The following FAM184B variants were observed in gnomAD, a reference collection of about 807,000 sequenced individuals.
FAM184B encodes family with sequence similarity 184 member B.
FAM184B carries 111 observed loss-of-function variants against 135.9 expected under a neutral mutation model. That is an observed-to-expected ratio of 0.82 (90% CI 0.70 to 0.96). The LOEUF is 0.96. Ranked by LOEUF, FAM184B falls within the 40% of genes least tolerant of loss-of-function variation. The pLI, the probability that FAM184B is intolerant of heterozygous loss-of-function variation, is 0.00. For synonymous variants in FAM184B, 552 were observed against 524.8 expected, an observed-to-expected ratio of 1.05 and a Z score of -0.71; for missense variants, 1,375 against 1,323.9, an observed-to-expected ratio of 1.04 and a Z score of -0.60.
At chr4:17,683,310 G>T (rs1286436509) in intron 7 of FAM184B, among the ~76,000 whole-genome samples, 1 of 152,166 alleles carries the variant, frequency 6.6e-6, no homozygotes, top group African/African-American at 2.4e-5. Flanking sequence ...ACACACCACT[G>T]CACCCGGCAA....
At chr4:17,653,910 A>G (rs1219432411) in intron 10 of FAM184B, among the ~76,000 whole-genome samples, 7 of 31,444 alleles carry the variant, frequency 2.2e-4, no homozygotes, top group Non-Finnish European at 1.1e-4. Flanking sequence ...GTGGAAGCAG[A>G]GGTCAGAGAG....
At chr4:17,683,324 C>G (rs1716491218) in intron 7 of FAM184B, among the ~76,000 whole-genome samples, 1 of 152,156 alleles carries the variant, frequency 6.6e-6, no homozygotes, top group Non-Finnish European at 1.5e-5. Context: ...CCGGCAAATT[C>G]CACGGGAGCA....
chr4:17,748,117 A>AAG (rs1553842362), intron 1 of FAM184B, among the ~76,000 whole-genome samples: 5 of 150,376 alleles, frequency 3.3e-5, no homozygotes, highest in African/African-American at 1.2e-4. Context: ...AAAAAAAAAA[A>AAG]AAAAAAGAAA....
intron 1 of FAM184B, among the ~76,000 whole-genome samples, chr4:17,715,324 A>G (rs898483989): frequency 5.3e-5 from 8 of 152,018 alleles, no homozygotes; most frequent in African/African-American, 1.9e-4. Context: ...AAAATTAAAA[A>G]ATTAGCTGTG....
chr4:17,726,914 C>T (rs1217434009), intron 1 of FAM184B, among the ~76,000 whole-genome samples: 1 of 152,136 alleles, frequency 6.6e-6, no homozygotes, highest in Non-Finnish European at 1.5e-5. Flanking sequence ...TCACTGTGGC[C>T]AATGGGATAG....
intron 7 of FAM184B, among the ~76,000 whole-genome samples, chr4:17,676,677 G>A (rs1716316161): frequency 6.6e-6 from 1 of 152,130 alleles, no homozygotes. Flanking sequence ...TCATAATGGA[G>A]CTGAAAAATT....
rs1038949149 is a variant in FAM184B, at chr4:17,709,528, C to T, written c.258G>A (p.Leu86=). Residue 86 remains leucine (L), a synonymous_variant, in exon 2 of 18, where the codon CTG becomes CTA. Coordinates refer to ENST00000265018, the MANE Select transcript of FAM184B (RefSeq NM_015688.2). Reference sequence around the variant, plus strand: ...CCTCCTCTGCGCAGCCCTGTTCCTGCAGGAGCCTGGCCTTGGTCTCTGCCA... The same window carrying T: ...CCTCCTCTGCGCAGCCCTGTTCCTGTAGGAGCCTGGCCTTGGTCTCTGCCA... ...NAVAETKARL[L]QEQGCAEEEA... is the part of the protein sequence containing the mutation. The T allele has an allele frequency of 7.7e-6, 12 of 1,550,954 alleles. No individual in the cohort carries two copies. The highest frequency in any genetic ancestry group is 1.0e-5 in the Non-Finnish European group (12 of 1,146,970).
rs1332383479 is a variant in FAM184B at position 17,639,313 on chromosome 4, A to G, written c.2603T>C (p.Met868Thr). Reference sequence around the variant, plus strand: ...CTGGGCACTACTGAAATCTGCCACCATGGCCTGCATCTCCTTCCGGTGTTC... The same window carrying G: ...CTGGGCACTACTGAAATCTGCCACCGTGGCCTGCATCTCCTTCCGGTGTTC... ...RQEHRKEMQA[M>T]VADFSSAQAQ... The change falls in exon 14 of 18, where the codon ATG becomes ACG. Residue 868 changes from methionine to threonine, a missense_variant. Coordinates refer to ENST00000265018, the MANE Select transcript of FAM184B (RefSeq NM_015688.2). 1.9e-6 allele frequency: 3 copies of G among 1,551,544 alleles called. No homozygotes were observed. Among genetic ancestry groups the G allele is most frequent in the Admixed American group, 3.9e-5 (2 of 50,972 alleles).
chr4:17,648,083 G>A (rs1217923959), intron 11 of FAM184B, among the ~76,000 whole-genome samples: 1 of 152,122 alleles, frequency 6.6e-6, no homozygotes, highest in Admixed American at 6.5e-5. Context: ...AATGCCCAAA[G>A]CCACACAGCT....
At chr4:17,702,675 C>CA (rs1423118938) in intron 5 of FAM184B, among the ~76,000 whole-genome samples, 3 of 151,976 alleles carry the variant, frequency 2.0e-5, no homozygotes, top group Non-Finnish European at 4.4e-5. Flanking sequence ...AATGTAAAAC[C>CA]AAAAAAACAA....
At chr4:17,695,053 G>A (rs1315923621) in intron 5 of FAM184B, among the ~76,000 whole-genome samples, 1 of 152,146 alleles carries the variant, frequency 6.6e-6, no homozygotes, top group Non-Finnish European at 1.5e-5. Context: ...GACTAGATGA[G>A]GTTTGAGGAG....
At chr4:17,751,823 G>GCACACACACACGCACACA (rs1553842766) in intron 1 of FAM184B, among the ~76,000 whole-genome samples, 1 of 115,834 alleles carries the variant, frequency 8.6e-6, no homozygotes, top group Non-Finnish European at 1.8e-5. Context: ...TAAAAACAAG[G>GCACACACACACGCACACA]CACACACACA....
intron 9 of FAM184B, among the ~76,000 whole-genome samples, chr4:17,658,863 T>C (rs1281335746): frequency 6.6e-6 from 1 of 152,094 alleles, no homozygotes; most frequent in Non-Finnish European, 1.5e-5. Flanking sequence ...CCTCAGGTGC[T>C]GCTCGAATCT....
At chr4:17,651,918 G>A (rs1715628599) in intron 11 of FAM184B, among the ~76,000 whole-genome samples, 1 of 152,088 alleles carries the variant, frequency 6.6e-6, no homozygotes, top group Admixed American at 6.6e-5. Context: ...GGATGATGTG[G>A]GGGCAGGCAG....
At chr4:17,676,766 A>G (rs1433004773) in intron 7 of FAM184B, among the ~76,000 whole-genome samples, 1 of 151,778 alleles carries the variant, frequency 6.6e-6, no homozygotes, top group Non-Finnish European at 1.5e-5. Flanking sequence ...CTACTTTAGG[A>G]TACATAAATA....
At chr4:17,717,344 A>G (rs1202870658) in intron 1 of FAM184B, among the ~76,000 whole-genome samples, 2 of 152,088 alleles carry the variant, frequency 1.3e-5, no homozygotes, top group Admixed American at 1.3e-4. Flanking sequence ...ATCTCCTCCA[A>G]CTTGTTCTGA....
At chr4:17,718,346 GA>G (rs969056956) in intron 1 of FAM184B, among the ~76,000 whole-genome samples, 4 of 150,536 alleles carry the variant, frequency 2.7e-5, no homozygotes, top group Admixed American at 6.6e-5. Flanking sequence ...ACCTTGTTTA[GA>G]AAAAAAAAGC....
chr4:17,659,920 C>G, intron 9 of FAM184B, 38 bp downstream of exon 9: 1 of 1,546,632 alleles, frequency 6.5e-7, no homozygotes, highest in Non-Finnish European at 8.7e-7. Context: ...GGGGCAGGAT[C>G]TCAGGAAGGG....
chr4:17,692,010 G>A (rs905064852), intron 6 of FAM184B, among the ~76,000 whole-genome samples: 15 of 150,774 alleles, frequency 9.9e-5, no homozygotes, highest in Non-Finnish European at 1.9e-4. Flanking sequence ...CTGAGATTGC[G>A]CCACTGCACT....
Sources: gnomAD v4.1 joint callset for allele counts (sites outside exome capture counted in the v4.1 genomes callset) on GRCh38, gnomAD v4.1.1 for gene constraint, MANE v1.5 for transcripts, NCBI Gene and HGNC (gene_info 2026-07-23, HGNC 2026-07-21) for gene names.